CCSER1: variants seen among roughly 807,000 people sequenced by gnomAD.
CCSER1 encodes the protein serine-rich coiled-coil domain-containing protein 1.
Under a neutral mutation model 82.0 loss-of-function variants are expected in CCSER1, and 41 were observed. That is an observed-to-expected ratio of 0.50 (90% CI 0.39 to 0.65). The LOEUF is 0.65. CCSER1 is among the 30% of genes least tolerant of loss of function. CCSER1 has a pLI of 0.00. For missense variants in CCSER1, 1,119 were observed against 1,064.2 expected (o/e 1.05, Z -0.72); for synonymous variants, 414 against 383.9 (o/e 1.08, Z -0.92).
At chr4:91,297,365 T>TTGTGTGTGTG (rs764634343) in intron 10 of CCSER1, among the ~76,000 whole-genome samples, 7 of 128,812 alleles carry the variant, frequency 5.4e-5, no homozygotes, top group South Asian at 2.5e-4. Flanking sequence ...GAATGGATGC[T>TTGTGTGTGTG]TGTGTGTGTG....
chr4:90,937,096 G>C (rs1222541187), intron 9 of CCSER1, among the ~76,000 whole-genome samples: 1 of 152,036 alleles, frequency 6.6e-6, no homozygotes, highest in Non-Finnish European at 1.5e-5. Context: ...AAAAACCAAA[G>C]AAGTAAAAAA....
intron 1 of CCSER1, among the ~76,000 whole-genome samples, chr4:90,251,414 C>G (rs868127120): frequency 6.6e-6 from 1 of 151,716 alleles, no homozygotes; most frequent in African/African-American, 2.4e-5. Flanking sequence ...TACTAGTTTG[C>G]TGAGAGTTTT....
intron 10 of CCSER1, among the ~76,000 whole-genome samples, chr4:91,143,151 C>A (rs1385270420): frequency 6.6e-6 from 1 of 151,886 alleles, no homozygotes; most frequent in African/African-American, 2.4e-5. Context: ...CATCACTGAT[C>A]TCTTTCAGCA....
intron 1 of CCSER1, among the ~76,000 whole-genome samples, chr4:90,264,003 T>G (rs972555410): frequency 1.3e-5 from 2 of 152,128 alleles, no homozygotes; most frequent in Non-Finnish European, 2.9e-5. Context: ...TGGGGAAGCA[T>G]TTTTTAGGCA....
At chr4:90,394,453 C>G (rs1015993353) in intron 3 of CCSER1, among the ~76,000 whole-genome samples, 11 of 152,094 alleles carry the variant, frequency 7.2e-5, no homozygotes, top group African/African-American at 2.7e-4. Flanking sequence ...TAAATGTCTC[C>G]TTTTGAAGAG....
At chr4:90,767,068 A>T (rs987815202) in intron 7 of CCSER1, among the ~76,000 whole-genome samples, 13 of 152,352 alleles carry the variant, frequency 8.5e-5, no homozygotes, top group African/African-American at 2.9e-4. Flanking sequence ...CACCCTGTGT[A>T]TCATTCAAAC....
At chr4:91,308,534 G>T (rs1745232284) in intron 10 of CCSER1, among the ~76,000 whole-genome samples, 1 of 151,980 alleles carries the variant, frequency 6.6e-6, no homozygotes, top group African/African-American at 2.4e-5. Context: ...CTTTGCTAAA[G>T]AACAATGCCT....
intron 1 of CCSER1, among the ~76,000 whole-genome samples, chr4:90,133,586 C>T (rs1056498313): frequency 2.0e-5 from 3 of 152,168 alleles, no homozygotes; most frequent in Non-Finnish European, 4.4e-5. Context: ...CTACGTCTTT[C>T]AAGCTTAAAT....
At chr4:91,143,962 T>G (rs1729295327) in intron 10 of CCSER1, among the ~76,000 whole-genome samples, 1 of 152,058 alleles carries the variant, frequency 6.6e-6, no homozygotes, top group Non-Finnish European at 1.5e-5. Context: ...TTTGTCAGAT[T>G]TTGGTATCAA....
At chr4:91,556,231 A>G (rs796947830) in intron 10 of CCSER1, among the ~76,000 whole-genome samples, 1 of 151,238 alleles carries the variant, frequency 6.6e-6, no homozygotes, top group African/African-American at 2.4e-5. Context: ...ACAGTTAAAT[A>G]CTTTAGCTTT....
rs185921873 is a variant in CCSER1, at chr4:90,458,607, A to C, written c.1604-9627A>C. Among the ~76,000 whole-genome samples the C allele has an allele frequency of 2.6e-5, 4 of 152,048 alleles. No homozygotes were observed. In the South Asian group the frequency reaches 6.2e-4, roughly 24 times the overall value. ...TGACCTCAGGTGATCCACCCACCTC[A>C]GCTCCCCATATTGCTGGGATTAAAG... On this transcript the variant is annotated intron_variant, in intron 4 of 10. Transcript: ENST00000509176.
chr4:91,193,740 C>T (rs1359180867), intron 10 of CCSER1, among the ~76,000 whole-genome samples: 1 of 152,084 alleles, frequency 6.6e-6, no homozygotes, highest in East Asian at 1.9e-4. Flanking sequence ...CTTTTCATGT[C>T]CTGACTCTTA....
chr4:90,849,438 T>C (rs970289798), intron 8 of CCSER1, among the ~76,000 whole-genome samples: 1 of 152,066 alleles, frequency 6.6e-6, no homozygotes, highest in Non-Finnish European at 1.5e-5. Flanking sequence ...CAGTAAAGCT[T>C]TCAAGAGAAA....
intron 5 of CCSER1, among the ~76,000 whole-genome samples, chr4:90,487,727 C>G (rs1767333362): frequency 6.6e-6 from 1 of 152,000 alleles, no homozygotes; most frequent in Admixed American, 6.5e-5. Context: ...CTCACTGCAA[C>G]CTGCGCCTCT....
At chr4:91,118,998 A>G (rs377110224) in intron 10 of CCSER1, among the ~76,000 whole-genome samples, 7 of 152,186 alleles carry the variant, frequency 4.6e-5, no homozygotes, top group African/African-American at 9.7e-5. Context: ...TTAAAAGACA[A>G]CTTAAATTTC....
chr4:91,037,815 T>A (rs1386147964), intron 9 of CCSER1, among the ~76,000 whole-genome samples: 2 of 152,002 alleles, frequency 1.3e-5, no homozygotes, highest in African/African-American at 4.8e-5. Flanking sequence ...CTACAGAATA[T>A]CTATATTTAG....
Position 90,467,615 on chromosome 4 carries a change from G to A in CCSER1, c.1604-619G>A, listed in dbSNP as rs186590181. ...GGAGAATCCCTTGGACTTGGGAGGC[G>A]GAGGTTGCAGTGAGCCAAGATCGTG... On this transcript the variant is annotated intron_variant, in intron 4 of 10. Transcript: ENST00000509176. 2.3e-4 allele frequency among the ~76,000 whole-genome samples: 35 copies of A among 151,890 alleles called. No individual in the cohort carries two copies. In the East Asian group the frequency reaches 3.3e-3, roughly 14 times the overall value.
chr4:91,317,903 G>A (rs1191367804), intron 10 of CCSER1, among the ~76,000 whole-genome samples: 2 of 151,934 alleles, frequency 1.3e-5, no homozygotes, highest in Non-Finnish European at 2.9e-5. Flanking sequence ...AACCCTGGGT[G>A]AGAGCATCCA....
chr4:90,590,137 G>T (rs557220447), intron 5 of CCSER1, among the ~76,000 whole-genome samples: 1 of 152,196 alleles, frequency 6.6e-6, no homozygotes, highest in African/African-American at 2.4e-5. Flanking sequence ...AGCCAGGCAT[G>T]GTGGCACATG....
Sources: allele counts gnomAD v4.1 joint callset (sites outside exome capture counted in the v4.1 genomes callset), GRCh38; gene constraint gnomAD v4.1.1; transcripts MANE v1.5; gene names NCBI Gene and HGNC (gene_info 2026-07-23, HGNC 2026-07-21).